RPS6KA5: variants seen among roughly 807,000 people sequenced by gnomAD.
The protein encoded by RPS6KA5 is ribosomal protein S6 kinase alpha-5.
Under a neutral mutation model 85.5 loss-of-function variants are expected in RPS6KA5, and 27 were observed. The observed-to-expected ratio is 0.32, with a 90% CI of 0.23 to 0.44. The LOEUF is 0.44. Ranked by LOEUF, RPS6KA5 falls within the 20% of genes least tolerant of loss-of-function variation. The pLI, the probability that RPS6KA5 is intolerant of heterozygous loss-of-function variation, is 1.00. For missense variants in RPS6KA5, 811 were observed against 980.9 expected, an observed-to-expected ratio of 0.83 and a Z score of 2.31; for synonymous variants, 334 against 348.2, an observed-to-expected ratio of 0.96 and a Z score of 0.46.
rs913059509 is a variant in RPS6KA5 at position 90,852,302 on chromosome 14, G to C, written c.*19772C>G. On this transcript the variant is annotated 3_prime_UTR_variant, in exon 17 of 17. Coordinates refer to ENST00000614987, the MANE Select transcript of RPS6KA5 (RefSeq NM_004755.4). ...TTAGAGACGGGGTTTCACCATGTTA[G>C]CCAGGATGGTCTCGACCTCGTGATC... The C allele has an allele frequency of 6.6e-6, 1 of 151,920 alleles. No homozygotes were observed. Among genetic ancestry groups the C allele is most frequent in the African/African-American group, 2.4e-5 (1 of 41,358 alleles). The allele number at this position is 151,920 out of a possible 1,614,324, so 9.4% of individuals were successfully genotyped here. A position where few individuals can be genotyped will look rare whatever the true frequency, so the allele number is the denominator to read the frequency against.
At chr14:90,908,887 ATGC>A in intron 7 of RPS6KA5, among the ~76,000 whole-genome samples, 1 of 152,290 alleles carries the variant, frequency 6.6e-6, no homozygotes, top group African/African-American at 2.4e-5. Flanking sequence ...TGAGCTTCCC[ATGC>A]TGGGGTGGTC....
chr14:90,909,509 A>G (rs904421382), intron 7 of RPS6KA5, among the ~76,000 whole-genome samples: 5 of 152,206 alleles, frequency 3.3e-5, no homozygotes, highest in Non-Finnish European at 7.3e-5. Flanking sequence ...TCTTTCACAG[A>G]TACGGAAAGA....
intron 9 of RPS6KA5, among the ~76,000 whole-genome samples, chr14:90,901,901 G>A (rs1464559972): frequency 6.6e-6 from 1 of 152,236 alleles, no homozygotes; most frequent in African/African-American, 2.4e-5. Flanking sequence ...TATGGGGGTT[G>A]AGGGGCACGG....
intron 4 of RPS6KA5, among the ~76,000 whole-genome samples, chr14:90,944,319 A>G (rs2037752125): frequency 6.6e-6 from 1 of 152,228 alleles, no homozygotes; most frequent in African/African-American, 2.4e-5. Flanking sequence ...AAAATTGCAT[A>G]CAGAAAAACA....
intron 2 of RPS6KA5, among the ~76,000 whole-genome samples, chr14:90,996,156 C>T (rs2040509337): frequency 6.6e-6 from 1 of 151,606 alleles, no homozygotes; most frequent in Non-Finnish European, 1.5e-5. Context: ...GGACTATAAG[C>T]GAGTGTCACA....
chr14:91,029,267 CT>C (rs2042096015), intron 1 of RPS6KA5, among the ~76,000 whole-genome samples: 1 of 152,086 alleles, frequency 6.6e-6, no homozygotes, highest in South Asian at 2.1e-4. Context: ...TTTTCTAAAA[CT>C]TTTTAAAAAT....
At chr14:90,991,247 G>T (rs748442288) in intron 2 of RPS6KA5, among the ~76,000 whole-genome samples, 6 of 152,148 alleles carry the variant, frequency 3.9e-5, no homozygotes, top group Non-Finnish European at 7.3e-5. Context: ...ATGCACAAAT[G>T]GAAGAGAGCC....
chr14:90,916,702 A>G (rs1365477397), intron 7 of RPS6KA5, among the ~76,000 whole-genome samples: 1 of 151,434 alleles, frequency 6.6e-6, no homozygotes, highest in East Asian at 1.9e-4. Flanking sequence ...CACACACACA[A>G]AACCATGAAA....
intron 2 of RPS6KA5, among the ~76,000 whole-genome samples, chr14:90,983,833 CTCTCTCTTTCTTTTTT>C (rs2039932992): frequency 7.1e-6 from 1 of 140,386 alleles, no homozygotes; most frequent in African/African-American, 2.9e-5. Context: ...CTCTCTCTCT[CTCTCTCTTTCTTTTTT>C]TCTTTCTTTC....
At chr14:90,881,862 A>C (rs1256352317) in intron 14 of RPS6KA5, among the ~76,000 whole-genome samples, 1 of 152,092 alleles carries the variant, frequency 6.6e-6, no homozygotes, top group Non-Finnish European at 1.5e-5. Flanking sequence ...CTTTCAATCT[A>C]TTTGTGTCTT....
At chr14:90,929,440 T>C (rs1156451336) in intron 5 of RPS6KA5, among the ~76,000 whole-genome samples, 2 of 152,178 alleles carry the variant, frequency 1.3e-5, no homozygotes, top group African/African-American at 4.8e-5. Context: ...GTTTTATGTA[T>C]AAGGTCAACA....
intron 7 of RPS6KA5, among the ~76,000 whole-genome samples, chr14:90,906,772 G>A (rs1315358295): frequency 6.6e-6 from 1 of 151,874 alleles, no homozygotes; most frequent in African/African-American, 2.4e-5. Context: ...AACCTAAGGG[G>A]CCCATAAGAA....
chr14:91,011,225 T>A (rs1204370337), intron 1 of RPS6KA5, among the ~76,000 whole-genome samples: 2 of 152,292 alleles, frequency 1.3e-5, no homozygotes, highest in South Asian at 2.1e-4. Context: ...CGGTGGCTCA[T>A]GCCTGTAATC....
chr14:91,017,128 CT>C, intron 1 of RPS6KA5, among the ~76,000 whole-genome samples: 1 of 152,312 alleles, frequency 6.6e-6, no homozygotes, highest in African/African-American at 2.4e-5. Flanking sequence ...GCTGATCTGG[CT>C]ACAGCTGATG....
chr14:90,983,252 G>T (rs1192422442), intron 2 of RPS6KA5, among the ~76,000 whole-genome samples: 1 of 150,588 alleles, frequency 6.6e-6, no homozygotes, highest in Non-Finnish European at 1.5e-5. Flanking sequence ...ACTCCAGCCT[G>T]GGGGACAGAG....
chr14:90,950,678 T>C (rs180698899), intron 3 of RPS6KA5, among the ~76,000 whole-genome samples: 2 of 152,330 alleles, frequency 1.3e-5, no homozygotes, highest in African/African-American at 4.8e-5. Flanking sequence ...GCTGATATGA[T>C]ATATTAAACT....
intron 1 of RPS6KA5, among the ~76,000 whole-genome samples, chr14:91,025,661 A>C (rs977674109): frequency 6.8e-6 from 1 of 146,866 alleles, no homozygotes; most frequent in Non-Finnish European, 1.5e-5. Context: ...TGAAGTTCTA[A>C]AAAAAAAAAG....
chr14:91,023,680 C>A (rs776741383), intron 1 of RPS6KA5, among the ~76,000 whole-genome samples: 26 of 151,518 alleles, frequency 1.7e-4, no homozygotes, highest in Non-Finnish European at 3.2e-4. Context: ...AAAAAAAAAC[C>A]ACCAACACAA....
chr14:90,890,732 G>T lies in RPS6KA5; in HGVS notation c.1645-54C>A, dbSNP rs150738042. 1,145 of 1,478,952 alleles carry T rather than the reference G, an allele frequency of 7.7e-4. 7 individuals carry two copies. In the African/African-American group the frequency reaches 0.014, roughly 18 times the overall value. The allele number at this position is 1,478,952 out of a possible 1,614,324, so 91.6% of individuals were successfully genotyped here. On this transcript the variant is annotated intron_variant, in intron 13 of 16. Coordinates refer to ENST00000614987, the MANE Select transcript of RPS6KA5 (RefSeq NM_004755.4). ...TCTCACTAGGCATGTCTTGGGAATT[G>T]CTGGTACTATTTATGTAACACTTTG...
Sources: allele counts gnomAD v4.1 joint callset (sites outside exome capture counted in the v4.1 genomes callset), GRCh38; gene constraint gnomAD v4.1.1; transcripts MANE v1.5; gene names NCBI Gene and HGNC (gene_info 2026-07-23, HGNC 2026-07-21).